The following C1orf21 variants were observed in gnomAD, a reference collection of about 807,000 sequenced individuals.
C1orf21 encodes the protein chromosome 1 open reading frame 21, also known as uncharacterized protein C1orf21.
C1orf21 carries 3 observed loss-of-function variants against 18.7 expected under a neutral mutation model. That is an observed-to-expected ratio of 0.16 (90% CI 0.07 to 0.42). The LOEUF (loss-of-function observed/expected upper bound fraction) is 0.42, where lower values mean the gene tolerates loss of function less well. Among genes scored for constraint, C1orf21 ranks in the 10% least tolerant of loss-of-function variants. The pLI is 0.99. For missense variants in C1orf21, 104 were observed against 143.6 expected (o/e 0.72, Z 1.41); for synonymous variants, 41 against 46.4 (o/e 0.88, Z 0.47).
At chr1:184,502,300 C>T (rs752930398) in intron 2 of C1orf21, among the ~76,000 whole-genome samples, 5 of 152,306 alleles carry the variant, frequency 3.3e-5, no homozygotes, top group Non-Finnish European at 7.4e-5. Context: ...GCTAAATTCA[C>T]GCCTGCAAGG....
chr1:184,534,562 GT>G (rs201605515), intron 3 of C1orf21, among the ~76,000 whole-genome samples: 12 of 151,310 alleles, frequency 7.9e-5, no homozygotes, highest in Non-Finnish European at 1.0e-4. Flanking sequence ...ATTTGGTTGT[GT>G]TTTTTTTTAT....
At chr1:184,587,826 G>T (rs2101997843) in intron 3 of C1orf21, among the ~76,000 whole-genome samples, 1 of 152,038 alleles carries the variant, frequency 6.6e-6, no homozygotes, top group Admixed American at 6.5e-5. Context: ...TGTTGGCCAG[G>T]CTGCTCTGGA....
chr1:184,443,546 AAC>A (rs1160042496), intron 1 of C1orf21, among the ~76,000 whole-genome samples: 3 of 152,224 alleles, frequency 2.0e-5, no homozygotes, highest in African/African-American at 2.4e-5. Flanking sequence ...TTTCCTTTTA[AAC>A]ATAGTACCTG....
intron 2 of C1orf21, among the ~76,000 whole-genome samples, chr1:184,487,776 G>A (rs2053361184): frequency 6.6e-6 from 1 of 152,174 alleles, no homozygotes; most frequent in Admixed American, 6.5e-5. Context: ...ATGTAGTCTT[G>A]GCAAATTTTT....
rs890608757 is a variant in C1orf21 at position 184,404,202 on chromosome 1, T to G, written c.-125+16834T>G. ...TGGGATTTTAATGCAGGTTTATCTG[T>G]CCCCAAAGCCTGTGTTTTCAGCTTT... On this transcript the variant is annotated intron_variant, in intron 1 of 5. Transcript: ENST00000235307. Among the ~76,000 whole-genome samples, 8 of 152,192 alleles carry G rather than the reference T, an allele frequency of 5.3e-5. No homozygotes were observed. The South Asian group carries it at 8.3e-4, about 16-fold the overall frequency.
chr1:184,452,746 G>T (rs1440891322), intron 1 of C1orf21, among the ~76,000 whole-genome samples: 1 of 152,112 alleles, frequency 6.6e-6, no homozygotes, highest in Non-Finnish European at 1.5e-5. Flanking sequence ...AATTGTTCAG[G>T]TTATACAGGG....
chr1:184,519,227 G>A (rs901742442), intron 3 of C1orf21, among the ~76,000 whole-genome samples: 1 of 152,122 alleles, frequency 6.6e-6, no homozygotes, highest in African/African-American at 2.4e-5. Context: ...CTTAGATGCA[G>A]GGTGCTATCT....
intron 1 of C1orf21, among the ~76,000 whole-genome samples, chr1:184,436,112 A>G (rs1237423820): frequency 6.6e-6 from 1 of 152,116 alleles, no homozygotes; most frequent in Non-Finnish European, 1.5e-5. Flanking sequence ...CTGGTGATGG[A>G]TGCAGGAGAA....
intron 1 of C1orf21, among the ~76,000 whole-genome samples, chr1:184,394,226 G>A (rs1163521676): frequency 6.6e-6 from 1 of 152,158 alleles, no homozygotes. Context: ...AGCAGAACAG[G>A]GAGATGATGG....
intron 1 of C1orf21, among the ~76,000 whole-genome samples, chr1:184,429,399 T>A (rs1192731807): frequency 6.6e-6 from 1 of 152,186 alleles, no homozygotes; most frequent in African/African-American, 2.4e-5. Flanking sequence ...ATGACATAAT[T>A]TTTTTCTTAA....
chr1:184,576,219 G>T (rs1659187894), intron 3 of C1orf21, among the ~76,000 whole-genome samples: 1 of 152,062 alleles, frequency 6.6e-6, no homozygotes. Flanking sequence ...CCACCTCCTG[G>T]GTTCAAGCAA....
chr1:184,416,128 G>T (rs1206476066), intron 1 of C1orf21, among the ~76,000 whole-genome samples: 1 of 152,096 alleles, frequency 6.6e-6, no homozygotes, highest in Non-Finnish European at 1.5e-5. Flanking sequence ...TATCTAGATG[G>T]TCACCCCTGG....
intron 1 of C1orf21, among the ~76,000 whole-genome samples, chr1:184,434,219 G>A (rs958122326): frequency 6.6e-6 from 1 of 152,088 alleles, no homozygotes; most frequent in Non-Finnish European, 1.5e-5. Flanking sequence ...TGGGGTAAAA[G>A]TATGAGTGTG....
intron 1 of C1orf21, among the ~76,000 whole-genome samples, chr1:184,413,254 G>T (rs993216405): frequency 6.6e-6 from 1 of 152,154 alleles, no homozygotes; most frequent in Non-Finnish European, 1.5e-5. Context: ...ATATACATGT[G>T]TGACAAAATA....
chr1:184,453,579 CTT>C (rs1557976146), intron 1 of C1orf21, among the ~76,000 whole-genome samples: 1 of 152,144 alleles, frequency 6.6e-6, no homozygotes, highest in African/African-American at 2.4e-5. Context: ...AATATCCTCT[CTT>C]CTGTTCTGAA....
chr1:184,554,451 A>G (rs1166828205), intron 3 of C1orf21, among the ~76,000 whole-genome samples: 2 of 152,252 alleles, frequency 1.3e-5, no homozygotes, highest in Admixed American at 6.5e-5. Flanking sequence ...TGGCTAGAGC[A>G]TAGTAATTAA....
At chr1:184,584,676 T>C (rs148469846) in intron 3 of C1orf21, among the ~76,000 whole-genome samples, 5 of 152,306 alleles carry the variant, frequency 3.3e-5, no homozygotes, top group Admixed American at 6.5e-5. Flanking sequence ...TCAATGTCCA[T>C]CAAGGGATGG....
intron 1 of C1orf21, among the ~76,000 whole-genome samples, chr1:184,417,276 G>GA (rs754952907): frequency 5.7e-4 from 87 of 152,248 alleles, no homozygotes; most frequent in Non-Finnish European, 9.6e-4. Flanking sequence ...CTAGCATAAG[G>GA]AAAAACGGTC....
chr1:184,498,136 A>G (rs1018917183), intron 2 of C1orf21, among the ~76,000 whole-genome samples: 9 of 152,088 alleles, frequency 5.9e-5, no homozygotes, highest in East Asian at 1.9e-4. Context: ...CCCTTCCCCA[A>G]TCTGCATCAC....
Sources: allele counts gnomAD v4.1 joint callset (sites outside exome capture counted in the v4.1 genomes callset), GRCh38; gene constraint gnomAD v4.1.1; transcripts MANE v1.5; gene names NCBI Gene and HGNC (gene_info 2026-07-23, HGNC 2026-07-21).